Variants in AKR1D1 observed in about 807,000 individuals in gnomAD.
AKR1D1 encodes delta(4)-3-ketosteroid 5-beta-reductase.
In AKR1D1, 32 loss-of-function variants were observed where a neutral mutation model predicts 42.6. That is an observed-to-expected ratio of 0.75 (90% CI 0.57 to 1.01). The LOEUF is 1.01. AKR1D1 is among the 50% of genes least tolerant of loss of function. AKR1D1 has a pLI of 0.00. For missense variants in AKR1D1, 364 were observed against 402.2 expected, an observed-to-expected ratio of 0.91 and a Z score of 0.81; for synonymous variants, 123 against 135.5, an observed-to-expected ratio of 0.91 and a Z score of 0.64.
At chr7:138,101,201 C>A (rs1361900442) in intron 4 of AKR1D1, among the ~76,000 whole-genome samples, 1 of 106,784 alleles carries the variant, frequency 9.4e-6, no homozygotes, top group Non-Finnish European at 1.8e-5. Flanking sequence ...CCCTTCCTTC[C>A]TTCCTTCCTT....
chr7:138,104,145 A>C (rs1794370508), intron 4 of AKR1D1, among the ~76,000 whole-genome samples: 1 of 152,240 alleles, frequency 6.6e-6, no homozygotes. Flanking sequence ...TTCAAAAAAA[A>C]ACACAGAAGA....
chr7:138,107,964 G>A lies in AKR1D1; in HGVS notation c.855+384G>A, dbSNP rs142937065. Among the ~76,000 whole-genome samples, 937 of 152,072 alleles carry A rather than the reference G, an allele frequency of 6.2e-3. 8 individuals carry two copies. The highest frequency in any genetic ancestry group is 0.037 in the Middle Eastern group (11 of 294). On this transcript the variant is annotated intron_variant, in intron 7 of 8. Transcript: ENST00000242375. ...CTCCCAAAGTTCTGGGATTACAGGC[G>A]TGAGCCACTGTACCCAGCCTCTTCC...
At chr7:138,102,000 C>T (rs1240335930) in intron 4 of AKR1D1, among the ~76,000 whole-genome samples, 3 of 151,892 alleles carry the variant, frequency 2.0e-5, no homozygotes, top group Non-Finnish European at 4.4e-5. Context: ...CACATGAGGC[C>T]AGGAGTTCGA....
intron 1 of AKR1D1, among the ~76,000 whole-genome samples, chr7:138,085,121 C>T (rs1422442453): frequency 3.3e-5 from 5 of 150,298 alleles, no homozygotes; most frequent in African/African-American, 9.8e-5. Flanking sequence ...CAACTAGTTC[C>T]TCCATACTGA....
chr7:138,091,728 G>A (rs372299330), intron 2 of AKR1D1, 40 bp from the exon 3 acceptor site: 51 of 1,444,850 alleles, frequency 3.5e-5, no homozygotes, highest in African/African-American at 2.1e-4. Context: ...CGTAAAAAGC[G>A]TGTAGACATT....
intron 1 of AKR1D1, among the ~76,000 whole-genome samples, chr7:138,080,553 T>C (rs1803032782): frequency 6.6e-6 from 1 of 152,170 alleles, no homozygotes; most frequent in Admixed American, 6.6e-5. Context: ...TCCATCCCAT[T>C]TAATATTTGG....
At chr7:138,105,243 T>G in intron 4 of AKR1D1, 64 bp from the exon 5 acceptor site, 1 of 1,611,040 alleles carries the variant, frequency 6.2e-7, no homozygotes, top group Non-Finnish European at 8.5e-7. Flanking sequence ...CAGTCACCCT[T>G]ATAAACATTC....
intron 7 of AKR1D1, among the ~76,000 whole-genome samples, chr7:138,110,441 T>TA (rs1036717031): frequency 2.6e-5 from 4 of 151,642 alleles, no homozygotes; most frequent in African/African-American, 2.4e-5. Flanking sequence ...GCTTTAAAAT[T>TA]AAAAAAAGTT....
At chr7:138,092,233 A>T (rs968622153) in intron 3 of AKR1D1, among the ~76,000 whole-genome samples, 1 of 152,192 alleles carries the variant, frequency 6.6e-6, no homozygotes, top group Non-Finnish European at 1.5e-5. Flanking sequence ...ATGTTTTTAC[A>T]ACTATAGTTT....
chr7:138,077,065 A>G (rs1670751021), intron 1 of AKR1D1, among the ~76,000 whole-genome samples: 1 of 152,202 alleles, frequency 6.6e-6, no homozygotes, highest in Admixed American at 6.6e-5. Flanking sequence ...TAAAAATCAA[A>G]TAGAGGGGGC....
intron 1 of AKR1D1, among the ~76,000 whole-genome samples, chr7:138,087,861 C>T (rs144992396): frequency 2.0e-5 from 3 of 151,124 alleles, no homozygotes; most frequent in African/African-American, 7.3e-5. Context: ...TTCATCCATA[C>T]TATGTGTTGT....
At chr7:138,114,149 T>TA (rs374931404) in intron 8 of AKR1D1, among the ~76,000 whole-genome samples, 9 of 151,830 alleles carry the variant, frequency 5.9e-5, no homozygotes, top group Admixed American at 2.0e-4. Flanking sequence ...AGCAAAGTTA[T>TA]AAAAAAAAAT....
chr7:138,098,176 G>A, intron 4 of AKR1D1: 4 of 479,656 alleles, frequency 8.3e-6, no homozygotes, highest in Non-Finnish European at 1.5e-5. Flanking sequence ...GGGGTGGAAG[G>A]AAAAACAGTG....
At chr7:138,112,627 T>C (rs1172686649) in intron 7 of AKR1D1, among the ~76,000 whole-genome samples, 1 of 152,114 alleles carries the variant, frequency 6.6e-6, no homozygotes, top group Non-Finnish European at 1.5e-5. Flanking sequence ...AGTGACAAGA[T>C]TTTCATTATT....
chr7:138,107,426 C>T lies in AKR1D1; in HGVS notation c.701C>T (p.Ser234Phe). The change falls in exon 7 of 9, where the codon TCT (serine) becomes TTT (phenylalanine). Residue 234 changes from serine (S) to phenylalanine (F), a missense_variant. Transcript: ENST00000242375. ...TSRNPIWVNV[S>F]SPPLLKDALL... ...TTGATATTTTTAAGGGTGAATGTTT[C>T]TTCTCCACCTTTGTTAAAGGATGCA... 6.2e-7 allele frequency: 1 copy of T among 1,614,012 alleles called. No individual in the cohort carries two copies. Among genetic ancestry groups the T allele is most frequent in the Non-Finnish European group, 8.5e-7 (1 of 1,179,908 alleles).
Position 138,106,859 on chromosome 7 carries a change from T to C in AKR1D1, c.689+142T>C. The C allele has an allele frequency of 4.1e-6, 3 of 724,710 alleles. No individual in the cohort carries two copies. The South Asian group carries it at 4.7e-5, about 11-fold the overall frequency. 44.9% of individuals were successfully genotyped at this position (724,710 alleles called of 1,614,324 possible). A position where few individuals can be genotyped will look rare whatever the true frequency, so the allele number is the denominator to read the frequency against. ...TGTATATATGAATTAGAACTTTTCA[T>C]ACTTTCCTGACTGAGCTGTTGTAAA... On this transcript the variant is annotated intron_variant, in intron 6 of 8. Coordinates refer to ENST00000242375, the MANE Select transcript of AKR1D1 (RefSeq NM_005989.4).
intron 3 of AKR1D1, among the ~76,000 whole-genome samples, chr7:138,097,035 GC>G (rs1237767127): frequency 1.3e-5 from 2 of 152,022 alleles, no homozygotes; most frequent in Admixed American, 1.3e-4. Flanking sequence ...TGGATTCCTA[GC>G]CCCAACCTCA....
intron 1 of AKR1D1, among the ~76,000 whole-genome samples, chr7:138,080,726 C>A (rs1289736557): frequency 6.6e-6 from 1 of 152,106 alleles, no homozygotes. Flanking sequence ...GATAACAGTG[C>A]CCACTTCACT....
chr7:138,102,009 G>A (rs752209783), intron 4 of AKR1D1, among the ~76,000 whole-genome samples: 29 of 151,870 alleles, frequency 1.9e-4, no homozygotes, highest in Non-Finnish European at 3.7e-4. Context: ...CCAGGAGTTC[G>A]AGACCAGCCT....
Sources: allele counts gnomAD v4.1 joint callset (sites outside exome capture counted in the v4.1 genomes callset), GRCh38; gene constraint gnomAD v4.1.1; transcripts MANE v1.5; gene names NCBI Gene and HGNC (gene_info 2026-07-23, HGNC 2026-07-21).